TGS1: variants seen among roughly 807,000 people sequenced by gnomAD.
The protein encoded by TGS1 is trimethylguanosine synthase 1, also known as trimethylguanosine synthase.
In TGS1, 69 loss-of-function variants were observed where a neutral mutation model predicts 92.2. The observed-to-expected ratio is 0.75, with a 90% CI of 0.62 to 0.91. TGS1 has a LOEUF of 0.91. Among genes scored for constraint, TGS1 ranks in the 40% least tolerant of loss-of-function variants. The pLI is 0.00. For synonymous variants in TGS1, 345 were observed against 338.1 expected (o/e 1.02, Z -0.22); for missense variants, 1,062 against 1,001.2 (o/e 1.06, Z -0.82).
intron 11 of TGS1, among the ~76,000 whole-genome samples, chr8:55,811,748 G>A (rs1383728849): frequency 3.3e-5 from 5 of 152,200 alleles, no homozygotes; most frequent in South Asian, 4.1e-4. Context: ...GCAACGGAGC[G>A]AGACTCCATT....
intron 7 of TGS1, 97 bp from the exon 8 acceptor site, chr8:55,798,817 A>T (rs530106700): frequency 4.1e-6 from 4 of 981,578 alleles, no homozygotes; most frequent in Non-Finnish European, 5.9e-6. Context: ...AATAATTTTG[A>T]CACAGCTTTT....
At chr8:55,805,371 G>A (rs955714073) in intron 10 of TGS1, among the ~76,000 whole-genome samples, 27 of 152,158 alleles carry the variant, frequency 1.8e-4, no homozygotes, top group East Asian at 1.5e-3. Flanking sequence ...TAGATACATC[G>A]AAATAATTTA....
At position 55,798,977 on chromosome 8, in the gene TGS1, T is replaced by G. The variant is rs748043496; in HGVS notation, c.1606T>G (p.Ser536Ala). Reference sequence around the variant, plus strand: ...TGAAGAAGCATCACAGGAATCATCTTCTCATGACAATGTGCACGACGCTTC... The same window carrying G: ...TGAAGAAGCATCACAGGAATCATCTGCTCATGACAATGTGCACGACGCTTC... ...MDEEASQESS[S>A]HDNVHDASTS... is the part of the protein sequence containing the mutation. The change falls in exon 8 of 13, where the codon TCT (serine) becomes GCT (alanine). Residue 536 changes from serine to alanine, a missense_variant. Ser to Ala is a moderately conservative substitution (Grantham distance 99, BLOSUM62 1). Transcript: ENST00000260129. The G allele has an allele frequency of 2.2e-5, 36 of 1,613,790 alleles. No homozygotes were observed. The highest frequency in any genetic ancestry group is 3.1e-5 in the Non-Finnish European group (36 of 1,179,980).
In TGS1 at chr8:55,810,998, T is replaced by A. The variant is rs7823773; in HGVS notation, c.2261T>A (p.Phe754Tyr). 1 of 1,614,094 alleles carries A rather than the reference T, an allele frequency of 6.2e-7. No homozygotes were observed. Among genetic ancestry groups the A allele is most frequent in the South Asian group, 1.1e-5 (1 of 91,092 alleles). ...GGAGATTTCTTGCTGCTGGCTTCTT[T>A]TTTAAAGGCTGATGTTGTGTTCCTC... is the stretch of plus-strand genomic sequence containing the variant. Reference protein sequence around the residue: ...ICGDFLLLASFLKADVVFLSP... With the variant: ...ICGDFLLLASYLKADVVFLSP... Residue 754 changes from phenylalanine to tyrosine, a missense_variant, in exon 11 of 13, where the codon TTT becomes TAT. By Grantham distance (22) the Phe-to-Tyr change is conservative. Transcript: ENST00000260129.
intron 12 of TGS1, among the ~76,000 whole-genome samples, chr8:55,819,403 T>G (rs1803574365): frequency 6.7e-6 from 1 of 150,172 alleles, no homozygotes; most frequent in Non-Finnish European, 1.5e-5. Context: ...TTCAAGCAAT[T>G]CTCCTACCTC....
At chr8:55,782,291 C>T (rs1010325100) in intron 1 of TGS1, among the ~76,000 whole-genome samples, 7 of 152,046 alleles carry the variant, frequency 4.6e-5, no homozygotes, top group Admixed American at 3.9e-4. Flanking sequence ...AAGCAATTCT[C>T]CTGCCTCAGC....
intron 10 of TGS1, among the ~76,000 whole-genome samples, chr8:55,807,502 A>G (rs1485524466): frequency 6.7e-6 from 1 of 148,562 alleles, no homozygotes. Context: ...GTCATAAAGC[A>G]GGGGTTTTTT....
chr8:55,788,856 A>G (rs1269374123), intron 4 of TGS1, among the ~76,000 whole-genome samples: 2 of 152,182 alleles, frequency 1.3e-5, no homozygotes, highest in Non-Finnish European at 2.9e-5. Context: ...TTTATAATAT[A>G]CATATTGGGC....
At chr8:55,807,399 G>T (rs1180480340) in intron 10 of TGS1, among the ~76,000 whole-genome samples, 1 of 152,152 alleles carries the variant, frequency 6.6e-6, no homozygotes, top group Non-Finnish European at 1.5e-5. Context: ...CTGTGTAACT[G>T]CCAGTAACTG....
At chr8:55,795,632 T>C (rs186285619) in intron 6 of TGS1, among the ~76,000 whole-genome samples, 1 of 152,312 alleles carries the variant, frequency 6.6e-6, no homozygotes, top group East Asian at 1.9e-4. Context: ...CTTGAAAATA[T>C]TTATATATTT....
intron 4 of TGS1, among the ~76,000 whole-genome samples, chr8:55,789,653 G>C (rs1225477078): frequency 6.6e-6 from 1 of 152,158 alleles, no homozygotes; most frequent in Non-Finnish European, 1.5e-5. Context: ...GAATCAGGCA[G>C]CCCCAAGAGC....
chr8:55,789,971 T>G, intron 4 of TGS1: 1 of 453,830 alleles, frequency 2.2e-6, no homozygotes, highest in Non-Finnish European at 4.0e-6. Context: ...AGTTTTAGGC[T>G]AAATTTAATT....
chr8:55,796,268 ATTTT>A, intron 7 of TGS1, 116 bp downstream of exon 7: 1 of 633,306 alleles, frequency 1.6e-6, no homozygotes, highest in Non-Finnish European at 2.5e-6. Context: ...AAGGTACATA[ATTTT>A]TTTTTTTTTT....
rs1803788687 is a variant in TGS1, at chr8:55,826,175, GGGAGATGGCAGGT to G, written c.*1474_*1486del. ...TTATGTAGCATTCTTAAAGTCACTAGGGAGATGGCAGGTGAAGTAAAGGCAGATTTCCAAAATC... is the reference window on the plus strand; with the variant it reads ...TTATGTAGCATTCTTAAAGTCACTAGGAAGTAAAGGCAGATTTCCAAAATC... On this transcript the variant is annotated 3_prime_UTR_variant, in exon 13 of 13. Coordinates refer to ENST00000260129, the MANE Select transcript of TGS1 (RefSeq NM_024831.8). Among the ~76,000 whole-genome samples, 1 of 152,096 alleles carries G rather than the reference GGGAGATGGCAGGT, an allele frequency of 6.6e-6. No individual in the cohort carries two copies. The highest frequency in any genetic ancestry group is 1.5e-5 in the Non-Finnish European group (1 of 68,012).
rs1811693242 is a variant in TGS1 at position 55,785,836 on chromosome 8, G to A, written c.284G>A (p.Arg95Lys). Residue 95 changes from arginine to lysine, a missense_variant, in exon 3 of 13, where the codon AGA becomes AAA. Coordinates refer to ENST00000260129, the MANE Select transcript of TGS1 (RefSeq NM_024831.8). ...CTTGATTCTGAGGCTGAACTCATGAGAAGTATGGGATTGCCACTTCAATTT... is the reference window on the plus strand; with the variant it reads ...CTTGATTCTGAGGCTGAACTCATGAAAAGTATGGGATTGCCACTTCAATTT... ...SELDSEAELM[R>K]SMGLPLQFGR... 6.2e-7 allele frequency: 1 copy of A among 1,614,018 alleles called. No individual in the cohort carries two copies. Among genetic ancestry groups the A allele is most frequent in the Non-Finnish European group, 8.5e-7 (1 of 1,179,920 alleles).
intron 1 of TGS1, among the ~76,000 whole-genome samples, chr8:55,774,891 G>A (rs1811342989): frequency 6.6e-6 from 1 of 152,178 alleles, no homozygotes; most frequent in Non-Finnish European, 1.5e-5. Flanking sequence ...GGGAGAAAGC[G>A]TTCTCTGCAG....
intron 7 of TGS1, among the ~76,000 whole-genome samples, 165 bp from the exon 8 acceptor site, chr8:55,798,749 G>A (rs1011297114): frequency 6.6e-6 from 1 of 152,070 alleles, no homozygotes; most frequent in African/African-American, 2.4e-5. Context: ...ATAGCATTCT[G>A]ATTAGGTCAG....
chr8:55,804,672 G>A (rs1309746300), intron 9 of TGS1, among the ~76,000 whole-genome samples: 2 of 152,158 alleles, frequency 1.3e-5, no homozygotes, highest in African/African-American at 4.8e-5. Flanking sequence ...AAAAGAATTA[G>A]GTTAAGAATT....
chr8:55,810,996 T>C lies in TGS1; in HGVS notation c.2259T>C (p.Ser753=). 1 of 1,614,208 alleles carries C rather than the reference T, an allele frequency of 6.2e-7. No homozygotes were observed. Among genetic ancestry groups the C allele is most frequent in the Non-Finnish European group, 8.5e-7 (1 of 1,180,018 alleles). The change falls in exon 11 of 13, where the codon TCT becomes TCC. Residue 753 remains serine, a synonymous_variant. Transcript: ENST00000260129. The part of the protein sequence containing the change: ...FICGDFLLLA[S]FLKADVVFLS... ...GTGGAGATTTCTTGCTGCTGGCTTCTTTTTTAAAGGCTGATGTTGTGTTCC... is the reference window on the plus strand; with the variant it reads ...GTGGAGATTTCTTGCTGCTGGCTTCCTTTTTAAAGGCTGATGTTGTGTTCC...
Sources: gnomAD v4.1 joint callset for allele counts (sites outside exome capture counted in the v4.1 genomes callset) on GRCh38, gnomAD v4.1.1 for gene constraint, MANE v1.5 for transcripts, NCBI Gene and HGNC (gene_info 2026-07-23, HGNC 2026-07-21) for gene names.